Variants in BCAS3 observed in about 807,000 individuals in gnomAD.
BCAS3 encodes the protein BCAS3 microtubule associated cell migration factor.
In BCAS3, 53 loss-of-function variants were observed where a neutral mutation model predicts 116.1. The observed-to-expected ratio is 0.46, with a 90% CI of 0.37 to 0.57. The LOEUF is 0.57. Among genes scored for constraint, BCAS3 ranks in the 20% least tolerant of loss-of-function variants. The pLI is 0.00. For missense variants in BCAS3, 917 were observed against 1,165.4 expected (o/e 0.79, Z 3.10); for synonymous variants, 391 against 408.2 (o/e 0.96, Z 0.51).
At position 61,307,306 on chromosome 17, in the gene BCAS3, C is replaced by CT. The variant is rs2053928748; in HGVS notation, c.2426-61016dup. Reference sequence around the variant, plus strand: ...AGATTTTTCTGCCAGTTTTAATTTACTTTTTGGGGAACGAAAAAAACTACC... The same window carrying CT: ...AGATTTTTCTGCCAGTTTTAATTTACTTTTTTGGGGAACGAAAAAAACTACC... On this transcript the variant is annotated intron_variant, in intron 22 of 23. Coordinates refer to ENST00000407086, the MANE Select transcript of BCAS3 (RefSeq NM_017679.5). The surrounding 1 kb of genome is among the most constrained non-coding windows in gnomAD (Gnocchi z 4.7). 6.6e-6 allele frequency among the ~76,000 whole-genome samples: 1 copy of CT among 152,190 alleles called. No individual in the cohort carries two copies. The highest frequency in any genetic ancestry group is 1.5e-5 in the Non-Finnish European group (1 of 68,032).
At position 61,065,221 on chromosome 17, in the gene BCAS3, C is replaced by T. The variant is rs993265358; in HGVS notation, c.2030-9699C>T. On this transcript the variant is annotated intron_variant, in intron 19 of 23. Transcript: ENST00000407086. This position sits in a 1 kb window ranked among gnomAD's most constrained non-coding sequence, Gnocchi z 4.8. ...ATTATAATTCCTCCTCTGTGAATTG[C>T]TTGTTCATTGGGAACTGCCTTTGTT... Among the ~76,000 whole-genome samples, 16 of 152,214 alleles carry T rather than the reference C, an allele frequency of 1.1e-4. No individual in the cohort carries two copies. Among genetic ancestry groups the T allele is most frequent in the African/African-American group, 3.4e-4 (14 of 41,536 alleles).
chr17:61,297,228 C>T (rs2053004508), intron 22 of BCAS3, among the ~76,000 whole-genome samples: 1 of 152,152 alleles, frequency 6.6e-6, no homozygotes, highest in Non-Finnish European at 1.5e-5. Context: ...TCTAAGATGC[C>T]ACTCAAATTC....
Position 61,012,471 on chromosome 17 carries a change from A to G in BCAS3, c.1487-3280A>G, listed in dbSNP as rs2065177531. Among the ~76,000 whole-genome samples the G allele has an allele frequency of 6.6e-6, 1 of 151,966 alleles. No homozygotes were observed. Among genetic ancestry groups the G allele is most frequent in the African/African-American group, 2.4e-5 (1 of 41,412 alleles). ...AAACTACCCTACTGAAGACTATTAG[A>G]GTTAGCTTTTTCTCTGAGTTTGTCT... On this transcript the variant is annotated intron_variant, in intron 15 of 23. Transcript: ENST00000407086. The surrounding 1 kb of genome is among the most constrained non-coding windows in gnomAD (Gnocchi z 4.5).
chr17:60,797,994 T>C (rs1446803320), intron 6 of BCAS3, among the ~76,000 whole-genome samples: 2 of 152,184 alleles, frequency 1.3e-5, no homozygotes, highest in Admixed American at 6.5e-5. Context: ...TGAGTTGAGA[T>C]TGTGCCACTG....
intron 19 of BCAS3, among the ~76,000 whole-genome samples, chr17:61,061,699 G>T (rs1007961111): frequency 3.3e-5 from 5 of 152,162 alleles, no homozygotes; most frequent in Admixed American, 6.5e-5. Context: ...ATGGAGAATT[G>T]ATTATTCCTG....
At chr17:60,811,242 G>T in intron 7 of BCAS3, 1 of 894,266 alleles carries the variant, frequency 1.1e-6, no homozygotes, top group Non-Finnish European at 1.8e-6. Context: ...GAGGGACAGC[G>T]CCAGGCCCAG....
intron 12 of BCAS3, among the ~76,000 whole-genome samples, chr17:60,911,498 G>C (rs982378826): frequency 2.0e-5 from 3 of 152,032 alleles, no homozygotes; most frequent in Non-Finnish European, 4.4e-5. Context: ...GAGTTTCTCC[G>C]TGTTGGCCAG....
In BCAS3 at chr17:60,966,302, G is replaced by C. The variant is rs537122301; in HGVS notation, c.1221+18950G>C. Among the ~76,000 whole-genome samples, 20 of 152,244 alleles carry C rather than the reference G, an allele frequency of 1.3e-4. No individual in the cohort carries two copies. The South Asian group carries it at 2.9e-3, about 22-fold the overall frequency. ...TTCAGCCACTCCGTGCCTTTTAGTT[G>C]GATAATCGAGACCATTTACATTCAG... On this transcript the variant is annotated intron_variant, in intron 14 of 23. Transcript: ENST00000407086.
chr17:60,781,947 T>C (rs1314883958), intron 6 of BCAS3, among the ~76,000 whole-genome samples: 1 of 152,204 alleles, frequency 6.6e-6, no homozygotes, highest in Non-Finnish European at 1.5e-5. Flanking sequence ...ATATCATGTT[T>C]TAAATTCTTC....
In BCAS3 at chr17:61,220,115, GA is replaced by G. The variant is rs1568601332; in HGVS notation, c.2425+135554del. Among the ~76,000 whole-genome samples, 2 of 152,082 alleles carry G rather than the reference GA, an allele frequency of 1.3e-5. No individual in the cohort carries two copies. On this transcript the variant is annotated intron_variant, in intron 22 of 23. Coordinates refer to ENST00000407086, the MANE Select transcript of BCAS3 (RefSeq NM_017679.5). This position sits in a 1 kb window ranked among gnomAD's most constrained non-coding sequence, Gnocchi z 4.5. ...TTGAGACCAGCCTGGCCAATACAGT[GA>G]AATCACGTCTCTACTAATAATACAA...
chr17:60,718,886 G>T (rs1046591532), intron 5 of BCAS3, among the ~76,000 whole-genome samples: 3 of 151,832 alleles, frequency 2.0e-5, no homozygotes, highest in African/African-American at 7.3e-5. Context: ...ATGGTGAAAC[G>T]CAGTCTCTAC....
At chr17:60,786,792 C>A (rs1313446082) in intron 6 of BCAS3, among the ~76,000 whole-genome samples, 2 of 152,046 alleles carry the variant, frequency 1.3e-5, no homozygotes, top group African/African-American at 4.8e-5. Flanking sequence ...GTTAACATTT[C>A]TCTGGAAAGA....
intron 22 of BCAS3, among the ~76,000 whole-genome samples, chr17:61,212,705 A>G (rs1435209522): frequency 6.6e-6 from 1 of 152,210 alleles, no homozygotes; most frequent in East Asian, 1.9e-4. Flanking sequence ...CAGTGAGACT[A>G]TGCTAGCCTT....
At chr17:60,984,043 T>C (rs117207414) in intron 14 of BCAS3, among the ~76,000 whole-genome samples, 1 of 152,362 alleles carries the variant, frequency 6.6e-6, no homozygotes, top group East Asian at 1.9e-4. Context: ...ACTTCTGGAA[T>C]AACTATTTAT....
intron 14 of BCAS3, among the ~76,000 whole-genome samples, chr17:60,988,326 T>C (rs1012892658): frequency 7.2e-6 from 1 of 138,264 alleles, no homozygotes; most frequent in Admixed American, 7.9e-5. Flanking sequence ...TCTTTCCTTT[T>C]CTTTTCTTTT....
chr17:60,855,555 C>T (rs1053280598), intron 7 of BCAS3, among the ~76,000 whole-genome samples: 6 of 149,206 alleles, frequency 4.0e-5, no homozygotes, highest in East Asian at 4.0e-4. Context: ...CCCAGGTTCA[C>T]GCCATTCTCC....
rs1216484917 is a variant in BCAS3 at position 61,213,895 on chromosome 17, G to A, written c.2425+129331G>A. On this transcript the variant is annotated intron_variant, in intron 22 of 23. Coordinates refer to ENST00000407086, the MANE Select transcript of BCAS3 (RefSeq NM_017679.5). This position sits in a 1 kb window ranked among gnomAD's most constrained non-coding sequence, Gnocchi z 5.4. ...TTCTGCCCTTTTGTATTTGTCCCAG[G>A]GTAGCAGAGAAGAGACTATAGAAAT... 6.6e-6 allele frequency among the ~76,000 whole-genome samples: 1 copy of A among 152,098 alleles called. No homozygotes were observed. The highest frequency in any genetic ancestry group is 1.5e-5 in the Non-Finnish European group (1 of 68,028).
At chr17:60,984,476 C>CT (rs1049810683) in intron 14 of BCAS3, among the ~76,000 whole-genome samples, 16 of 151,682 alleles carry the variant, frequency 1.1e-4, no homozygotes, top group South Asian at 2.1e-4. Flanking sequence ...ATATATACAG[C>CT]TTTTTTTTAA....
rs1025949703 is a variant in BCAS3 at position 61,249,079 on chromosome 17, A to G, written c.2426-119248A>G. On this transcript the variant is annotated intron_variant, in intron 22 of 23. Coordinates refer to ENST00000407086, the MANE Select transcript of BCAS3 (RefSeq NM_017679.5). This position sits in a 1 kb window ranked among gnomAD's most constrained non-coding sequence, Gnocchi z 6.2. ...GGCAGGTAGATCCCCTGAGGTGAGG[A>G]GTTTGAGACCAGCCTGGCCAACATG... 1.3e-5 allele frequency among the ~76,000 whole-genome samples: 2 copies of G among 152,130 alleles called. No individual in the cohort carries two copies. Among genetic ancestry groups the G allele is most frequent in the African/African-American group, 4.8e-5 (2 of 41,434 alleles).
Sources: allele counts gnomAD v4.1 joint callset (sites outside exome capture counted in the v4.1 genomes callset), GRCh38; gene constraint gnomAD v4.1.1; non-coding constraint Gnocchi (gnomAD v3.1); transcripts MANE v1.5; gene names NCBI Gene and HGNC (gene_info 2026-07-23, HGNC 2026-07-21).